Variants in PRKN observed in about 807,000 individuals in gnomAD.
The protein encoded by PRKN is parkin RBR E3 ubiquitin protein ligase.
A neutral mutation model predicts 59.5 loss-of-function variants in PRKN; 56 were observed. The observed-to-expected ratio is 0.94, with a 90% confidence interval of 0.76 to 1.18. The LOEUF is 1.18. Among genes scored for constraint, PRKN ranks in the 50% most tolerant of loss-of-function variants. The probability of loss-of-function intolerance (pLI) is 0.00; values close to 1 mark genes in which losing one functional copy is unlikely to be tolerated. For synonymous variants in PRKN, 250 were observed against 222.1 expected, an observed-to-expected ratio of 1.13 and a Z score of -1.12; for missense variants, 657 against 596.4, an observed-to-expected ratio of 1.10 and a Z score of -1.06.
chr6:161,755,868 C>T (rs1788894747), intron 7 of PRKN, among the ~76,000 whole-genome samples: 1 of 152,058 alleles, frequency 6.6e-6, no homozygotes, highest in African/African-American at 2.4e-5. Flanking sequence ...ACAGACTCTC[C>T]CCTACAGGCC....
intron 5 of PRKN, among the ~76,000 whole-genome samples, chr6:161,982,342 C>T (rs898393876): frequency 4.2e-4 from 56 of 133,824 alleles, no homozygotes; most frequent in Admixed American, 1.1e-3. Context: ...AGGTAATTTA[C>T]AGATTCAATG....
At chr6:162,272,370 G>T (rs1008087581) in intron 2 of PRKN, among the ~76,000 whole-genome samples, 35 of 151,964 alleles carry the variant, frequency 2.3e-4, no homozygotes, top group African/African-American at 8.5e-4. Flanking sequence ...TTTTCTTTAA[G>T]TATTATTTTA....
At chr6:162,348,161 T>C (rs910388901) in intron 2 of PRKN, among the ~76,000 whole-genome samples, 13 of 152,182 alleles carry the variant, frequency 8.5e-5, no homozygotes, top group African/African-American at 2.9e-4. Flanking sequence ...GTGCCTCTTA[T>C]ACCCACCAGT....
At chr6:161,877,934 A>G (rs748074671) in intron 6 of PRKN, among the ~76,000 whole-genome samples, 3 of 151,870 alleles carry the variant, frequency 2.0e-5, no homozygotes, top group African/African-American at 7.2e-5. Flanking sequence ...ATGGCGCTCA[A>G]TGAGGGAGTG....
intron 1 of PRKN, among the ~76,000 whole-genome samples, chr6:162,459,700 A>C (rs1322193747): frequency 1.3e-5 from 2 of 152,218 alleles, no homozygotes; most frequent in Non-Finnish European, 2.9e-5. Flanking sequence ...GTCTGACTAC[A>C]TGTAAAATTC....
At chr6:161,898,235 A>G (rs1777734131) in intron 6 of PRKN, among the ~76,000 whole-genome samples, 2 of 152,162 alleles carry the variant, frequency 1.3e-5, no homozygotes, top group South Asian at 2.1e-4. Context: ...ATCAGCAATC[A>G]GATCAATTTG....
At chr6:161,923,412 G>A (rs1414234718) in intron 6 of PRKN, among the ~76,000 whole-genome samples, 1 of 152,160 alleles carries the variant, frequency 6.6e-6, no homozygotes, top group Admixed American at 6.5e-5. Flanking sequence ...GAACCCGGGA[G>A]GTGGAGGCTG....
At position 161,494,898 on chromosome 6, in the gene PRKN, T is replaced by C. The variant is rs538402586; in HGVS notation, c.1083+53956A>G. Among the ~76,000 whole-genome samples the C allele has an allele frequency of 2.2e-3, 341 of 152,278 alleles. 2 individuals are homozygous for C. The highest frequency in any genetic ancestry group is 8.0e-3 in the African/African-American group (334 of 41,568). ...TTTCCCCAGTCTTCTAGGACTCCTC[T>C]CCCTTGCTCCGCCTTGAACTCTGTT... On this transcript the variant is annotated intron_variant, in intron 9 of 11. Coordinates refer to ENST00000366898, the MANE Select transcript of PRKN (RefSeq NM_004562.3).
At chr6:162,647,975 A>AAAAAAAAAAAAAAAAAC (rs1778259496) in intron 1 of PRKN, among the ~76,000 whole-genome samples, 1 of 142,684 alleles carries the variant, frequency 7.0e-6, no homozygotes, top group Non-Finnish European at 1.5e-5. Flanking sequence ...AAAAAAAAAA[A>AAAAAAAAAAAAAAAAAC]AAGTCTACGG....
chr6:162,122,123 T>C (rs762501869), intron 4 of PRKN, among the ~76,000 whole-genome samples: 27 of 152,164 alleles, frequency 1.8e-4, no homozygotes, highest in Non-Finnish European at 7.3e-5. Flanking sequence ...GAGGAGGCTG[T>C]CAGTAATCGG....
Position 162,586,141 on chromosome 6 carries a change from T to A in PRKN, c.7+141521A>T, listed in dbSNP as rs368524490. Among the ~76,000 whole-genome samples the A allele has an allele frequency of 7.2e-5, 11 of 152,290 alleles. No homozygotes were observed. The East Asian group carries it at 2.1e-3, about 29-fold the overall frequency. On this transcript the variant is annotated intron_variant, in intron 1 of 11. Transcript: ENST00000366898. ...ATAGAGGAGCCAGGATTCACCCCCA[T>A]TTAGCCTGACCCTATGTGCTGGGTA...
rs201932326 is a variant in PRKN, at chr6:162,487,070, C to CA, written c.8-43598dup. 1.4e-3 allele frequency among the ~76,000 whole-genome samples: 205 copies of CA among 146,842 alleles called. 1 individual carries two copies. Among genetic ancestry groups the CA allele is most frequent in the South Asian group, 0.013 (58 of 4,576 alleles). On this transcript the variant is annotated intron_variant, in intron 1 of 11. Transcript: ENST00000366898. Reference sequence around the variant, plus strand: ...GGGCAATAGAGTGAGACTCTAGTCTCAAAAAAAAAGAAAAGAAAAGTAGAT... The same window carrying CA: ...GGGCAATAGAGTGAGACTCTAGTCTCAAAAAAAAAAGAAAAGAAAAGTAGAT...
chr6:162,084,034 A>G (rs983682610), intron 4 of PRKN, among the ~76,000 whole-genome samples: 8 of 152,114 alleles, frequency 5.3e-5, no homozygotes, highest in African/African-American at 1.9e-4. Context: ...AAATACACAT[A>G]GCATTCTCAT....
At position 161,856,361 on chromosome 6, in the gene PRKN, A is replaced by AAAATAAATAAATAAATAAATAAAT. The variant is rs113381073; in HGVS notation, c.735-70477_735-70454dup. On this transcript the variant is annotated intron_variant, in intron 6 of 11. Coordinates refer to ENST00000366898, the MANE Select transcript of PRKN (RefSeq NM_004562.3). ...GTCAATGAGAGTGAAATGCCATCTCAAAATAAATAAATAAATAAATAAATA... is the reference window on the plus strand; with the variant it reads ...GTCAATGAGAGTGAAATGCCATCTCAAAATAAATAAATAAATAAATAAATAAATAAATAAATAAATAAATAAATA... Among the ~76,000 whole-genome samples the AAAATAAATAAATAAATAAATAAAT allele has an allele frequency of 2.9e-3, 427 of 149,452 alleles. 1 individual carries two copies. The highest frequency in any genetic ancestry group is 0.01 in the African/African-American group (407 of 40,566).
At chr6:161,791,628 G>C (rs1412572743) in intron 6 of PRKN, among the ~76,000 whole-genome samples, 1 of 152,218 alleles carries the variant, frequency 6.6e-6, no homozygotes, top group Non-Finnish European at 1.5e-5. Flanking sequence ...CAATGTGCCA[G>C]ATATTTCAAG....
At chr6:162,191,646 T>C (rs1420434486) in intron 4 of PRKN, among the ~76,000 whole-genome samples, 1 of 152,276 alleles carries the variant, frequency 6.6e-6, no homozygotes, top group East Asian at 1.9e-4. Context: ...TTTCACCATG[T>C]TGGTGAGGCT....
intron 6 of PRKN, among the ~76,000 whole-genome samples, chr6:161,930,577 T>A (rs974055823): frequency 6.6e-6 from 1 of 152,224 alleles, no homozygotes; most frequent in Non-Finnish European, 1.5e-5. Flanking sequence ...GAAACTCATA[T>A]GTATTGCTGA....
At chr6:162,473,804 T>C (rs2128179392) in intron 1 of PRKN, among the ~76,000 whole-genome samples, 1 of 152,194 alleles carries the variant, frequency 6.6e-6, no homozygotes, top group South Asian at 2.1e-4. Flanking sequence ...ATGGCAAGTG[T>C]GGAAAGAGCA....
At chr6:162,335,706 T>C (rs952696701) in intron 2 of PRKN, among the ~76,000 whole-genome samples, 1 of 152,146 alleles carries the variant, frequency 6.6e-6, no homozygotes, top group African/African-American at 2.4e-5. Flanking sequence ...ATTTCTCCTA[T>C]TTTATCGCTC....
Sources: allele counts gnomAD v4.1 joint callset (sites outside exome capture counted in the v4.1 genomes callset), GRCh38; gene constraint gnomAD v4.1.1; transcripts MANE v1.5; gene names NCBI Gene and HGNC (gene_info 2026-07-23, HGNC 2026-07-21).